Variants in CASS4 observed in about 807,000 individuals in gnomAD.
The protein encoded by CASS4 is Cas scaffold protein family member 4.
Under a neutral mutation model 54.2 loss-of-function variants are expected in CASS4, and 22 were observed. The observed-to-expected ratio is 0.41, with a 90% confidence interval of 0.29 to 0.58. The LOEUF is 0.58. Among genes scored for constraint, CASS4 ranks in the 20% least tolerant of loss-of-function variants. The pLI, the probability that CASS4 is intolerant of heterozygous loss-of-function variation, is 0.36. For synonymous variants in CASS4, 409 were observed against 391.5 expected (o/e 1.04, Z -0.53); for missense variants, 854 against 986.7 (o/e 0.87, Z 1.80).
At chr20:56,443,813 T>C (rs564962599) in intron 2 of CASS4, among the ~76,000 whole-genome samples, 3 of 152,246 alleles carry the variant, frequency 2.0e-5, no homozygotes. Flanking sequence ...GGAAACCCCT[T>C]GTCTGAAGCG....
chr20:56,428,439 C>T (rs1047646863), intron 1 of CASS4, among the ~76,000 whole-genome samples: 3 of 152,302 alleles, frequency 2.0e-5, no homozygotes, highest in Non-Finnish European at 4.4e-5. Flanking sequence ...TGACTATTAA[C>T]GTTGAGTTTG....
At chr20:56,412,246 T>C, upstream of CASS4, 1 of 565,972 alleles carries the variant, frequency 1.8e-6, no homozygotes, top group Non-Finnish European at 3.1e-6. This position sits in a 1 kb window ranked among gnomAD's most constrained non-coding sequence, Gnocchi z 4.2. Flanking sequence ...GGTCCTCCCC[T>C]GCTTCACTGC....
intron 3 of CASS4, among the ~76,000 whole-genome samples, chr20:56,446,596 T>C (rs1980724669): frequency 6.6e-6 from 1 of 152,164 alleles, no homozygotes; most frequent in Non-Finnish European, 1.5e-5. Context: ...TAAGACATGC[T>C]TCATGTGATC....
At chr20:56,453,799 A>C (rs1325614490) in intron 5 of CASS4, 1 of 152,366 alleles carries the variant, frequency 6.6e-6, no homozygotes, top group Non-Finnish European at 1.5e-5. Flanking sequence ...CCTTGAGACC[A>C]GGAGTTTGGG....
chr20:56,429,056 C>T (rs932978569), intron 1 of CASS4, among the ~76,000 whole-genome samples: 1 of 152,192 alleles, frequency 6.6e-6, no homozygotes. Context: ...TGCAGTCACC[C>T]GGGCAGTGTG....
In CASS4 at chr20:56,458,676, C is replaced by A; in HGVS notation, c.2290C>A (p.Leu764Met). Reference sequence around the variant, plus strand: ...GCTCACGTACCCCAGCCCTGCCGCGCTGGGGCACCTCCAGGCGGAGGCTGA... The same window carrying A: ...GCTCACGTACCCCAGCCCTGCCGCGATGGGGCACCTCCAGGCGGAGGCTGA... ...AVLTYPSPAA[L>M]GHLQAEAEKL... The change falls in exon 6 of 6, where the codon CTG becomes ATG. Residue 764 changes from leucine to methionine, a missense_variant. By Grantham distance (15) the Leu-to-Met change is conservative. Coordinates refer to ENST00000679887, the MANE Select transcript of CASS4 (RefSeq NM_020356.4). The A allele has an allele frequency of 6.2e-7, 1 of 1,612,986 alleles. No homozygotes were observed. The highest frequency in any genetic ancestry group is 1.3e-5 in the African/African-American group (1 of 75,050).
chr20:56,421,791 A>T lies in CASS4; in HGVS notation c.36+9297A>T, dbSNP rs561076789. Among the ~76,000 whole-genome samples the T allele has an allele frequency of 1.5e-3, 231 of 151,978 alleles. 1 individual carries two copies. The highest frequency in any genetic ancestry group is 5.1e-3 in the African/African-American group (211 of 41,440). ...CTTACGACCCATCAAATAACACAAA[A>T]CTCCTTCTTTCTTTATGCCTTTCCT... is the stretch of plus-strand genomic sequence containing the variant. On this transcript the variant is annotated intron_variant, in intron 1 of 5. Transcript: ENST00000679887.
At chr20:56,415,489 G>A (rs530518779) in intron 1 of CASS4, among the ~76,000 whole-genome samples, 4 of 152,346 alleles carry the variant, frequency 2.6e-5, no homozygotes, top group African/African-American at 9.6e-5. Flanking sequence ...GGAGCTGTAA[G>A]TAAAGATCTG....
rs1033323712 is a variant in CASS4 at position 56,437,962 on chromosome 20, A to G, written c.459+376A>G. On this transcript the variant is annotated intron_variant, in intron 2 of 5. Coordinates refer to ENST00000679887, the MANE Select transcript of CASS4 (RefSeq NM_020356.4). The surrounding 1 kb of genome is among the most constrained non-coding windows in gnomAD (Gnocchi z 4.7). ...GGGAGGGTGGGGTTTCCATGGGTTCAGAGGCAAGAAGTTACACATCGCATT... is the reference window on the plus strand; with the variant it reads ...GGGAGGGTGGGGTTTCCATGGGTTCGGAGGCAAGAAGTTACACATCGCATT... 1.3e-5 allele frequency among the ~76,000 whole-genome samples: 2 copies of G among 152,182 alleles called. No homozygotes were observed. The highest frequency in any genetic ancestry group is 2.9e-5 in the Non-Finnish European group (2 of 68,028).
At chr20:56,425,771 A>C (rs1192978582) in intron 1 of CASS4, among the ~76,000 whole-genome samples, 2 of 152,206 alleles carry the variant, frequency 1.3e-5, no homozygotes, top group African/African-American at 2.4e-5. Flanking sequence ...CCAACTGTAC[A>C]AATGAACATG....
rs1980252437 is a variant in CASS4 at position 56,437,570 on chromosome 20, T to A, written c.443T>A (p.Leu148His). The change falls in exon 2 of 6, where the codon CTC becomes CAC. Residue 148 changes from leucine (L) to histidine (H), a missense_variant. Coordinates refer to ENST00000679887, the MANE Select transcript of CASS4 (RefSeq NM_020356.4). This position sits in a 1 kb window ranked among gnomAD's most constrained non-coding sequence, Gnocchi z 4.7. ...GCCAGAATCATCTGTGAAAAGACTC[T>A]CAGCTTTCCAAAACAGGTACGCATA... ...TSARIICEKT[L>H]SFPKQAILTL... 1.3e-6 allele frequency: 2 copies of A among 1,538,742 alleles called. No individual in the cohort carries two copies.
intron 1 of CASS4, among the ~76,000 whole-genome samples, chr20:56,420,370 G>A (rs1322503897): frequency 6.6e-6 from 1 of 152,004 alleles, no homozygotes; most frequent in African/African-American, 2.4e-5. Context: ...AAAGTGCTTT[G>A]TGGAATGTTC....
chr20:56,424,154 T>C (rs1424443201), intron 1 of CASS4, among the ~76,000 whole-genome samples: 1 of 152,232 alleles, frequency 6.6e-6, no homozygotes, highest in African/African-American at 2.4e-5. Flanking sequence ...AGAAACTACT[T>C]AGCTATCACC....
chr20:56,427,173 TA>T (rs78321980), intron 1 of CASS4, among the ~76,000 whole-genome samples: 17,471 of 127,894 alleles, frequency 0.14, 3,156 homozygotes, highest in African/African-American at 0.42. Context: ...CCCTGTCTCT[TA>T]AAAAAAAAAA....
intron 1 of CASS4, among the ~76,000 whole-genome samples, chr20:56,418,949 C>T (rs1979278448): frequency 6.6e-6 from 1 of 152,224 alleles, no homozygotes. Flanking sequence ...TATTGGTTCC[C>T]CTGTTTAATC....
At chr20:56,435,926 A>G (rs1038835641) in intron 1 of CASS4, among the ~76,000 whole-genome samples, 2 of 151,478 alleles carry the variant, frequency 1.3e-5, no homozygotes, top group Admixed American at 1.3e-4. Flanking sequence ...AATTTTTTTT[A>G]TTTTTATTAG....
At chr20:56,432,671 G>A (rs533389215) in intron 1 of CASS4, among the ~76,000 whole-genome samples, 1 of 152,062 alleles carries the variant, frequency 6.6e-6, no homozygotes, top group Non-Finnish European at 1.5e-5. Context: ...CCCAGCCTAA[G>A]TCTTGACCTT....
intron 1 of CASS4, among the ~76,000 whole-genome samples, chr20:56,413,401 G>A (rs556802709): frequency 2.6e-5 from 4 of 151,966 alleles, no homozygotes; most frequent in South Asian, 2.1e-4. Flanking sequence ...GGCTGTCTGC[G>A]GTGGCTCACA....
chr20:56,437,066 A>G lies in CASS4; in HGVS notation c.37-98A>G. 1.9e-6 allele frequency: 2 copies of G among 1,071,758 alleles called. No individual in the cohort carries two copies. The highest frequency in any genetic ancestry group is 2.7e-6 in the Non-Finnish European group (2 of 742,254). 66.4% of individuals were successfully genotyped at this position (1,071,758 alleles called of 1,614,324 possible). ...GGAAGAAATGAAATGAAAGGGCATG[A>G]TGAATTTGTATGAAGCTTTCTAAGA... On this transcript the variant is annotated intron_variant, in intron 1 of 5. Transcript: ENST00000679887. The surrounding 1 kb of genome is among the most constrained non-coding windows in gnomAD (Gnocchi z 4.7).
Sources: allele counts gnomAD v4.1 joint callset (sites outside exome capture counted in the v4.1 genomes callset), GRCh38; gene constraint gnomAD v4.1.1; non-coding constraint Gnocchi (gnomAD v3.1); transcripts MANE v1.5; gene names NCBI Gene and HGNC (gene_info 2026-07-23, HGNC 2026-07-21).